MYOF: variants seen among roughly 807,000 people sequenced by gnomAD.
MYOF encodes the protein myoferlin.
In MYOF, 244 loss-of-function variants were observed where a neutral mutation model predicts 284.2. The ratio of observed to expected loss-of-function variants is 0.86; its 90% confidence interval spans 0.77 to 0.95. MYOF has a LOEUF of 0.95. MYOF is among the 40% of genes least tolerant of loss of function. The pLI, the probability that MYOF is intolerant of heterozygous loss-of-function variation, is 0.00. For synonymous variants in MYOF, 904 were observed against 919.7 expected, an observed-to-expected ratio of 0.98 and a Z score of 0.31; for missense variants, 2,496 against 2,560.6, an observed-to-expected ratio of 0.97 and a Z score of 0.54.
In MYOF at chr10:93,377,421, ATTTG is replaced by A; in HGVS notation, c.2006_2009del (p.Thr669IlefsTer2). 6.2e-7 allele frequency: 1 copy of A among 1,612,186 alleles called. No homozygotes were observed. Among genetic ancestry groups the A allele is most frequent in the Non-Finnish European group, 8.5e-7 (1 of 1,178,432 alleles). On this transcript the variant is annotated frameshift_variant, in exon 22 of 54. Coordinates refer to ENST00000359263, the MANE Select transcript of MYOF (RefSeq NM_013451.4). LOFTEE classifies it high-confidence loss of function. ...GTATCCCTGATTTTAGAGCTTCTAT[ATTTG>A]TTTGCTGAAGAATTTGAAAAGAGAG...
At chr10:93,354,849 G>C (rs79280621) in intron 31 of MYOF, among the ~76,000 whole-genome samples, 1 of 152,064 alleles carries the variant, frequency 6.6e-6, no homozygotes, top group Non-Finnish European at 1.5e-5. Context: ...TCTGTATAAC[G>C]GGAACAATAA....
rs916555324 is a variant in MYOF at position 93,370,314 on chromosome 10, A to ATTTTT, written c.2458-543_2458-539dup. Reference sequence around the variant, plus strand: ...GTTGATCAAGCAGTAATGATTACTAATTTTTTTTTTTTTTTTTTTTTGAGA... The same window carrying ATTTTT: ...GTTGATCAAGCAGTAATGATTACTAATTTTTTTTTTTTTTTTTTTTTTTTTTGAGA... On this transcript the variant is annotated intron_variant, in intron 24 of 53. Transcript: ENST00000359263. Among the ~76,000 whole-genome samples the ATTTTT allele has an allele frequency of 9.5e-4, 116 of 122,390 alleles. 8 individuals carry two copies. The highest frequency in any genetic ancestry group is 2.6e-3 in the South Asian group (10 of 3,910). The allele number at this position is 122,390 out of a possible 152,430, so 80.3% of individuals were successfully genotyped here. A position where few individuals can be genotyped will look rare whatever the true frequency, so the allele number is the denominator to read the frequency against.
At chr10:93,434,851 AC>A (rs1849046784) in intron 3 of MYOF, among the ~76,000 whole-genome samples, 1 of 152,124 alleles carries the variant, frequency 6.6e-6, no homozygotes. Flanking sequence ...CCCGTGACAT[AC>A]TGAAGACACC....
At chr10:93,334,221 A>C (rs1843489990) in intron 41 of MYOF, among the ~76,000 whole-genome samples, 1 of 152,146 alleles carries the variant, frequency 6.6e-6, no homozygotes, top group Non-Finnish European at 1.5e-5. Context: ...CATTCTTTGA[A>C]GATAGGAATA....
chr10:93,405,564 G>T (rs1041886375), intron 7 of MYOF, among the ~76,000 whole-genome samples: 3 of 152,152 alleles, frequency 2.0e-5, no homozygotes, highest in Non-Finnish European at 4.4e-5. Flanking sequence ...AAAGTACTGG[G>T]ATTACAGGCG....
In MYOF at chr10:93,438,708, C is replaced by G. The variant is rs184616684; in HGVS notation, c.237-7192G>C. Among the ~76,000 whole-genome samples, 25 of 152,202 alleles carry G rather than the reference C, an allele frequency of 1.6e-4. 1 individual carries two copies. Among genetic ancestry groups the G allele is most frequent in the African/African-American group, 5.5e-4 (23 of 41,544 alleles). On this transcript the variant is annotated intron_variant, in intron 3 of 53. Coordinates refer to ENST00000359263, the MANE Select transcript of MYOF (RefSeq NM_013451.4). The stretch of plus-strand genomic sequence containing the variant: ...TAGGGATAGGGAAGGCAGAAGGCAA[C>G]GCGGGATCTGGGGAGAGGGGGGCTT...
At chr10:93,373,707 A>G (rs1260969758) in intron 23 of MYOF, among the ~76,000 whole-genome samples, 1 of 152,168 alleles carries the variant, frequency 6.6e-6, no homozygotes, top group Non-Finnish European at 1.5e-5. Context: ...ATTTCTACCC[A>G]CAAATATATG....
chr10:93,359,743 T>G, intron 29 of MYOF, 90 bp downstream of exon 29: 1 of 1,550,558 alleles, frequency 6.4e-7, no homozygotes, highest in Non-Finnish European at 8.8e-7. Context: ...GATTTGCAAA[T>G]AATTTCTGCA....
At chr10:93,401,313 A>G in intron 12 of MYOF, 105 bp downstream of exon 12, 3 of 1,479,596 alleles carry the variant, frequency 2.0e-6, no homozygotes, top group East Asian at 2.3e-5. Flanking sequence ...CTTTCAGAAG[A>G]AAAACATACG....
In MYOF at chr10:93,397,247, C is replaced by T; in HGVS notation, c.1334G>A (p.Trp445Ter). 1 of 1,581,988 alleles carries T rather than the reference C, an allele frequency of 6.3e-7. No individual in the cohort carries two copies. The highest frequency in any genetic ancestry group is 8.6e-7 in the Non-Finnish European group (1 of 1,156,090). ...CEKIKLTIYDWDRLTKNDVVG... is the reference protein window; with the variant it reads ...CEKIKLTIYD ...AGACACATACGTATTTTCAACTCAC[C>T]AGTCATATATTGTTAGTTTTATTTT... The change falls in exon 15 of 54, where the codon TGG becomes TAG. Residue 445 changes from tryptophan to a stop codon, truncating the protein, a stop_gained and splice_region_variant. Transcript: ENST00000359263. LOFTEE classifies it high-confidence loss of function.
chr10:93,406,327 T>TA (rs1847586112), intron 7 of MYOF, among the ~76,000 whole-genome samples: 2 of 132,770 alleles, frequency 1.5e-5, no homozygotes, highest in Non-Finnish European at 3.3e-5. Context: ...TTTGTTTTTA[T>TA]CATCTTACTT....
At chr10:93,336,654 T>C (rs1222525516) in intron 40 of MYOF, among the ~76,000 whole-genome samples, 1 of 152,124 alleles carries the variant, frequency 6.6e-6, no homozygotes, top group Non-Finnish European at 1.5e-5. Flanking sequence ...TTTTGGGTGG[T>C]GGTTCACATA....
Position 93,380,000 on chromosome 10 carries a change from A to T in MYOF, c.1877-13T>A. On this transcript the variant is annotated splice_polypyrimidine_tract_variant and intron_variant, in intron 20 of 53. Transcript: ENST00000359263. ...TAATAGTAGTTGCCTGGTATAAAAC[A>T]TTGGGGGTCAATGAACACTGAACAC... 1 of 1,610,928 alleles carries T rather than the reference A, an allele frequency of 6.2e-7. No homozygotes were observed. The highest frequency in any genetic ancestry group is 8.5e-7 in the Non-Finnish European group (1 of 1,177,498).
Position 93,369,110 on chromosome 10 carries a change from C to CTTTTTTTTTTTTTTTTTTTTTTTTT in MYOF, c.2589+534_2589+535insAAAAAAAAAAAAAAAAAAAAAAAAA, listed in dbSNP as rs66923086. On this transcript the variant is annotated intron_variant, in intron 25 of 53. Transcript: ENST00000359263. ...TATTGTTTTAGAAGTATTCAGACAG[C>CTTTTTTTTTTTTTTTTTTTTTTTTT]TTTTTTTTTTTTTTTTTTTTTTGCC... Among the ~76,000 whole-genome samples the CTTTTTTTTTTTTTTTTTTTTTTTTT allele has an allele frequency of 2.0e-4, 16 of 78,310 alleles. 1 individual carries two copies. The highest frequency in any genetic ancestry group is 8.4e-4 in the African/African-American group (13 of 15,446). The allele number at this position is 78,310 out of a possible 152,430, so 51.4% of individuals were successfully genotyped here.
At chr10:93,328,964 T>C in intron 44 of MYOF, 53 bp from the exon 45 acceptor site, 1 of 1,550,294 alleles carries the variant, frequency 6.5e-7, no homozygotes, top group South Asian at 1.2e-5. Context: ...CAGGTTCTTC[T>C]CAGATTCACA....
intron 20 of MYOF, among the ~76,000 whole-genome samples, chr10:93,380,683 G>A (rs1443173476): frequency 6.6e-6 from 1 of 152,142 alleles, no homozygotes; most frequent in Non-Finnish European, 1.5e-5. Context: ...ATCAGGGACT[G>A]TTTCTCACCC....
chr10:93,407,212 G>A (rs1214179364), intron 7 of MYOF, among the ~76,000 whole-genome samples: 2 of 151,210 alleles, frequency 1.3e-5, no homozygotes, highest in African/African-American at 4.9e-5. Flanking sequence ...GAACACCTGA[G>A]GCCAGGAGTT....
chr10:93,393,728 T>A (rs188147846), intron 16 of MYOF, among the ~76,000 whole-genome samples: 81 of 152,370 alleles, frequency 5.3e-4, no homozygotes, highest in Non-Finnish European at 9.1e-4. Context: ...TATAGTCATA[T>A]TTAGATTCCT....
intron 3 of MYOF, among the ~76,000 whole-genome samples, chr10:93,451,549 T>C (rs2056591045): frequency 6.6e-6 from 1 of 150,656 alleles, no homozygotes; most frequent in South Asian, 2.1e-4. Context: ...CTTCCCCATG[T>C]GAAAGGAAAG....
Sources: gnomAD v4.1 joint callset for allele counts (sites outside exome capture counted in the v4.1 genomes callset) on GRCh38, gnomAD v4.1.1 for gene constraint, MANE v1.5 for transcripts, NCBI Gene and HGNC (gene_info 2026-07-23, HGNC 2026-07-21) for gene names.